Variants in CSPP1 observed in about 807,000 individuals in gnomAD.
CSPP1 encodes centrosome and spindle pole associated protein 1, also known as centrosome and spindle pole-associated protein 1.
In CSPP1, 126 loss-of-function variants were observed where a neutral mutation model predicts 164.4. The ratio of observed to expected loss-of-function variants is 0.77; its 90% CI spans 0.66 to 0.89. The LOEUF is 0.89. Ranked by LOEUF, CSPP1 falls within the 40% of genes least tolerant of loss-of-function variation. CSPP1 has a pLI of 0.00. For synonymous variants in CSPP1, 472 were observed against 476.7 expected (o/e 0.99, Z 0.13); for missense variants, 1,395 against 1,449.8 (o/e 0.96, Z 0.61).
chr8:67,099,841 TGGCTAAC>T, intron 7 of CSPP1, among the ~76,000 whole-genome samples: 1 of 152,276 alleles, frequency 6.6e-6, no homozygotes, highest in Middle Eastern at 3.4e-3. Context: ...GAGAATAAGG[TGGCTAAC>T]TTACCAAACT....
At chr8:67,118,427 T>G (rs1383185048) in intron 14 of CSPP1, 58 bp downstream of exon 14, 9 of 1,579,148 alleles carry the variant, frequency 5.7e-6, no homozygotes, top group Non-Finnish European at 7.8e-6. Context: ...GGAAAATTGT[T>G]TTTTTGTGTA....
At chr8:67,096,286 G>T (rs971183432) in intron 7 of CSPP1, among the ~76,000 whole-genome samples, 3 of 152,184 alleles carry the variant, frequency 2.0e-5, no homozygotes, top group Non-Finnish European at 4.4e-5. Context: ...TTAAAATGTG[G>T]CCAGGCATGG....
In CSPP1 at chr8:67,196,603, C is replaced by T. The variant is rs982253914; in HGVS notation, c.*1010C>T. 1.3e-5 allele frequency among the ~76,000 whole-genome samples: 2 copies of T among 152,172 alleles called. No individual in the cohort carries two copies. The highest frequency in any genetic ancestry group is 2.4e-5 in the African/African-American group (1 of 41,426). On this transcript the variant is annotated 3_prime_UTR_variant, in exon 31 of 31. Coordinates refer to ENST00000678616, the MANE Select transcript of CSPP1 (RefSeq NM_001382391.1). ...AGACAAATTTGCCACAATTAAATTA[C>T]TGATATTTTGAGTTTTGGCTACTTG...
chr8:67,183,924 C>G (rs1188066054), intron 28 of CSPP1, among the ~76,000 whole-genome samples: 1 of 139,242 alleles, frequency 7.2e-6, no homozygotes, highest in Non-Finnish European at 1.5e-5. Flanking sequence ...GTGATCTTGG[C>G]TCACTGCAAC....
At chr8:67,082,828 G>C (rs997598447) in intron 3 of CSPP1, among the ~76,000 whole-genome samples, 1 of 152,064 alleles carries the variant, frequency 6.6e-6, no homozygotes, top group Non-Finnish European at 1.5e-5. Flanking sequence ...TGTTATACTT[G>C]ATGAAGTGAC....
chr8:67,177,646 CT>C, intron 26 of CSPP1, 33 bp from the exon 27 acceptor site: 2 of 1,503,716 alleles, frequency 1.3e-6, no homozygotes, highest in Non-Finnish European at 1.8e-6. Context: ...ATTTTCTGAC[CT>C]TTTAATTTGC....
At chr8:67,113,106 G>C (rs189949688) in intron 10 of CSPP1, among the ~76,000 whole-genome samples, 1 of 152,128 alleles carries the variant, frequency 6.6e-6, no homozygotes, top group East Asian at 1.9e-4. Context: ...TTAGCCGGGC[G>C]TGGTGGCACA....
At chr8:67,164,634 C>G (rs1032947297) in intron 24 of CSPP1, 126 bp downstream of exon 24, 2 of 538,932 alleles carry the variant, frequency 3.7e-6, no homozygotes, top group Non-Finnish European at 6.7e-6. Flanking sequence ...CTTTCCTTTT[C>G]TTTGTCTTTT....
At chr8:67,077,300 T>A (rs1488988786) in intron 3 of CSPP1, among the ~76,000 whole-genome samples, 1 of 151,520 alleles carries the variant, frequency 6.6e-6, no homozygotes, top group African/African-American at 2.4e-5. Flanking sequence ...ATTACAGGCC[T>A]GAGCCACCAT....
intron 24 of CSPP1, among the ~76,000 whole-genome samples, chr8:67,172,154 A>ATTTTT (rs540548645): frequency 5.6e-5 from 7 of 124,878 alleles, no homozygotes; most frequent in Admixed American, 8.3e-5. Context: ...TGGCCTCATA[A>ATTTTT]TTTTTTTTTT....
chr8:67,153,920 T>C (rs1826178921), intron 18 of CSPP1, 104 bp from the exon 19 acceptor site: 1 of 589,382 alleles, frequency 1.7e-6, no homozygotes, highest in South Asian at 2.2e-5. Flanking sequence ...TTTGGACTTT[T>C]TTTTTTTTTA....
intron 15 of CSPP1, among the ~76,000 whole-genome samples, chr8:67,129,019 C>G (rs902684704): frequency 6.6e-6 from 1 of 151,938 alleles, no homozygotes; most frequent in Admixed American, 6.6e-5. Context: ...ATACTGGAGC[C>G]TATTGGTGTT....
intron 4 of CSPP1, among the ~76,000 whole-genome samples, chr8:67,087,653 C>T (rs532299818): frequency 6.6e-6 from 1 of 152,248 alleles, no homozygotes; most frequent in South Asian, 2.1e-4. Context: ...ATGAATGAGG[C>T]ATATTAGGTT....
chr8:67,133,582 G>T (rs1821673792), intron 16 of CSPP1: 1 of 152,242 alleles, frequency 6.6e-6, no homozygotes, highest in African/African-American at 2.4e-5. Context: ...TTGCCTCAAT[G>T]TTGATGGCTG....
At chr8:67,083,531 C>CAAAAAAAAAAAAAAAAA (rs1171275894) in intron 3 of CSPP1, among the ~76,000 whole-genome samples, 1 of 71,856 alleles carries the variant, frequency 1.4e-5, no homozygotes, top group Non-Finnish European at 2.4e-5. Context: ...GACTTTGTCT[C>CAAAAAAAAAAAAAAAAA]AAAAAAAAAA....
At chr8:67,131,904 G>C (rs1376916824) in intron 15 of CSPP1, 47 bp from the exon 16 acceptor site, 1 of 1,499,642 alleles carries the variant, frequency 6.7e-7, no homozygotes, top group African/African-American at 1.4e-5. Flanking sequence ...TTTTCTTCTT[G>C]CTTTGTCGTC....
chr8:67,190,009 A>G (rs900845305), intron 28 of CSPP1, among the ~76,000 whole-genome samples: 1 of 152,214 alleles, frequency 6.6e-6, no homozygotes, highest in African/African-American at 2.4e-5. Context: ...TGTAAAATGT[A>G]AACAGGTTGG....
intron 21 of CSPP1, among the ~76,000 whole-genome samples, chr8:67,161,468 G>T (rs1358799046): frequency 6.6e-6 from 1 of 152,016 alleles, no homozygotes; most frequent in Non-Finnish European, 1.5e-5. Context: ...TAATTTTTTT[G>T]TATTGTCATG....
intron 9 of CSPP1, among the ~76,000 whole-genome samples, chr8:67,111,509 T>C (rs1356750956): frequency 6.6e-6 from 1 of 152,132 alleles, no homozygotes; most frequent in Non-Finnish European, 1.5e-5. Context: ...GGGCCTCATA[T>C]GAAGTGAATA....
Sources: allele counts gnomAD v4.1 joint callset (sites outside exome capture counted in the v4.1 genomes callset), GRCh38; gene constraint gnomAD v4.1.1; transcripts MANE v1.5; gene names NCBI Gene and HGNC (gene_info 2026-07-23, HGNC 2026-07-21).